Variants in RAD9B observed in about 807,000 individuals in gnomAD.
The protein encoded by RAD9B is cell cycle checkpoint control protein RAD9B.
A neutral mutation model predicts 48.3 loss-of-function variants in RAD9B; 41 were observed. The observed-to-expected ratio is 0.85, with a 90% CI of 0.66 to 1.10. RAD9B has a LOEUF of 1.10. Among genes scored for constraint, RAD9B ranks in the 50% least tolerant of loss-of-function variants. The probability of loss-of-function intolerance (pLI) is 0.00; values close to 1 mark genes in which losing one functional copy is unlikely to be tolerated. For missense variants in RAD9B, 444 were observed against 485.1 expected (o/e 0.92, Z 0.80); for synonymous variants, 160 against 157.9 (o/e 1.01, Z -0.10).
chr12:110,512,158 T>C (rs75454307), intron 4 of RAD9B, among the ~76,000 whole-genome samples: 1 of 134,986 alleles, frequency 7.4e-6, no homozygotes, highest in Non-Finnish European at 1.6e-5. Flanking sequence ...TTTTTTTTTT[T>C]CTTTTTGAGA....
Position 110,519,926 on chromosome 12 carries a change from T to G in RAD9B, c.890+10T>G. On this transcript the variant is annotated intron_variant, in intron 9 of 10. Transcript: ENST00000409300. ...CACAGAAACGAAAAAGGTAAGACTG[T>G]GTTTTAACTTCTTTATTACTTGGGA... 1 of 1,608,108 alleles carries G rather than the reference T, an allele frequency of 6.2e-7. No homozygotes were observed.
chr12:110,503,979 TC>T, intron 2 of RAD9B, 103 bp downstream of exon 2: 2 of 640,546 alleles, frequency 3.1e-6, no homozygotes, highest in Non-Finnish European at 2.6e-6. Flanking sequence ...ATTGTAATTA[TC>T]CCTTTCACTG....
At chr12:110,510,357 A>G (rs999194054) in intron 4 of RAD9B, among the ~76,000 whole-genome samples, 1 of 152,252 alleles carries the variant, frequency 6.6e-6, no homozygotes, top group South Asian at 2.1e-4. Context: ...GTCACCAATT[A>G]TCTGCAGCCC....
At chr12:110,506,528 A>C (rs888268173) in intron 3 of RAD9B, 51 bp from the exon 4 acceptor site, 9 of 956,286 alleles carry the variant, frequency 9.4e-6, no homozygotes, top group Non-Finnish European at 1.5e-5. Flanking sequence ...TTGTTTCTAA[A>C]ATGAATCAAC....
intron 2 of RAD9B, among the ~76,000 whole-genome samples, chr12:110,504,138 G>GTT (rs200389242): frequency 1.4e-5 from 2 of 139,466 alleles, no homozygotes. Flanking sequence ...GGCCTGCACT[G>GTT]TTTTTTTTTT....
At chr12:110,518,475 G>A (rs1045071706) in intron 6 of RAD9B, among the ~76,000 whole-genome samples, 5 of 152,208 alleles carry the variant, frequency 3.3e-5, no homozygotes, top group African/African-American at 1.2e-4. Flanking sequence ...TCATTGGGTA[G>A]TTTAAGAGAA....
chr12:110,503,938 C>T lies in RAD9B; in HGVS notation c.117+62C>T. 8 of 991,810 alleles carry T rather than the reference C, an allele frequency of 8.1e-6. No homozygotes were observed. The South Asian group carries it at 1.3e-4, about 16-fold the overall frequency. 61.4% of individuals were successfully genotyped at this position (991,810 alleles called of 1,614,324 possible). A position where few individuals can be genotyped will look rare whatever the true frequency, so the allele number is the denominator to read the frequency against. ...AGAGGAGATGTTTAAAGATCCCAGTCCAGATTGAATGTTAACTAGGAAATC... is the reference window on the plus strand; with the variant it reads ...AGAGGAGATGTTTAAAGATCCCAGTTCAGATTGAATGTTAACTAGGAAATC... On this transcript the variant is annotated intron_variant, in intron 2 of 10. Coordinates refer to ENST00000409300, the MANE Select transcript of RAD9B (RefSeq NM_001286535.2).
Position 110,505,616 on chromosome 12 carries a change from G to T in RAD9B, c.118-1G>T. The T allele has an allele frequency of 1.3e-6, 2 of 1,545,476 alleles. No homozygotes were observed. Among genetic ancestry groups the T allele is most frequent in the Non-Finnish European group, 1.7e-6 (2 of 1,144,172 alleles). ...AAATAGTTTTTATCTTATTTTTCTA[G>T]CTTGCTCTAAGATGTGTGAATTCTT... On this transcript the variant is annotated splice_acceptor_variant, in intron 2 of 10. Coordinates refer to ENST00000409300, the MANE Select transcript of RAD9B (RefSeq NM_001286535.2). LOFTEE classifies it high-confidence loss of function.
Position 110,505,734 on chromosome 12 carries a change from G to T in RAD9B, c.235G>T (p.Asp79Tyr), listed in dbSNP as rs768899059. ...AGTGAAAATGAGTGAAAATGAACTT[G>T]ACACAACACTGCATTTAAAATGCAA... is the stretch of plus-strand genomic sequence containing the variant. ...ALVKMSENELDTTLHLKCKLG... is the reference protein window; with the variant it reads ...ALVKMSENELYTTLHLKCKLG... Residue 79 changes from aspartate (D) to tyrosine (Y), a missense_variant, in exon 3 of 11, where the codon GAC becomes TAC. By Grantham distance (160) the Asp-to-Tyr change is radical. Transcript: ENST00000409300. 6.2e-7 allele frequency: 1 copy of T among 1,611,786 alleles called. No individual in the cohort carries two copies. Among genetic ancestry groups the T allele is most frequent in the South Asian group, 1.1e-5 (1 of 90,456 alleles).
rs2063684334 is a variant in RAD9B, at chr12:110,518,739, T to C, written c.659T>C (p.Ile220Thr). The change falls in exon 7 of 11, where the codon ATT becomes ACT. Residue 220 changes from isoleucine to threonine, a missense_variant. Transcript: ENST00000409300. ...TCAGATGAGTTTGACTTCTTTCAAA[T>C]TGGAATGGACACTGAGATAACATTT... is the stretch of plus-strand genomic sequence containing the variant. Reference protein sequence around the residue: ...VGSDEFDFFQIGMDTEITFCF... With the variant: ...VGSDEFDFFQTGMDTEITFCF... The C allele has an allele frequency of 1.9e-6, 3 of 1,611,568 alleles. No homozygotes were observed. The highest frequency in any genetic ancestry group is 2.2e-5 in the South Asian group (2 of 90,826).
chr12:110,523,823 A>G (rs2063855135), intron 10 of RAD9B, among the ~76,000 whole-genome samples: 1 of 152,134 alleles, frequency 6.6e-6, no homozygotes, highest in Non-Finnish European at 1.5e-5. Flanking sequence ...CAAATTTCCT[A>G]TTGTGTCACC....
At chr12:110,514,252 A>G (rs2135690016) in intron 5 of RAD9B, among the ~76,000 whole-genome samples, 1 of 151,920 alleles carries the variant, frequency 6.6e-6, no homozygotes, top group East Asian at 1.9e-4. Context: ...CAGATTAACA[A>G]CAAGATTACA....
chr12:110,509,132 C>CT (rs987648197), intron 4 of RAD9B, among the ~76,000 whole-genome samples: 2 of 150,812 alleles, frequency 1.3e-5, no homozygotes, highest in Non-Finnish European at 3.0e-5. Context: ...GCCCGGCTAA[C>CT]TTTTTTTTTG....
intron 5 of RAD9B, 120 bp downstream of exon 5, chr12:110,512,998 C>T: frequency 1.7e-6 from 1 of 594,442 alleles, no homozygotes; most frequent in South Asian, 1.8e-5. Flanking sequence ...TGGAGTCTCG[C>T]TGTGTCGCCC....
Position 110,531,841 on chromosome 12 carries a change from A to C in RAD9B, c.*1188A>C, listed in dbSNP as rs1029103208. 1.9e-6 allele frequency: 1 copy of C among 519,306 alleles called. No homozygotes were observed. The highest frequency in any genetic ancestry group is 3.4e-6 in the Non-Finnish European group (1 of 296,470). The allele number at this position is 519,306 out of a possible 1,614,324, so 32.2% of individuals were successfully genotyped here. A position where few individuals can be genotyped will look rare whatever the true frequency, so the allele number is the denominator to read the frequency against. On this transcript the variant is annotated 3_prime_UTR_variant, in exon 11 of 11. Transcript: ENST00000409300. Reference sequence around the variant, plus strand: ...GTTTACAGTCAATTATAACCTGACAAACGAGACTTTTGTAACATATTATTG... The same window carrying C: ...GTTTACAGTCAATTATAACCTGACACACGAGACTTTTGTAACATATTATTG...
chr12:110,522,926 T>C (rs2063829357), intron 10 of RAD9B, among the ~76,000 whole-genome samples: 1 of 152,218 alleles, frequency 6.6e-6, no homozygotes, highest in African/African-American at 2.4e-5. Context: ...TGATAAGCTT[T>C]ACAGAATGCT....
chr12:110,521,029 T>C (rs1037730380), intron 9 of RAD9B, among the ~76,000 whole-genome samples: 5 of 152,176 alleles, frequency 3.3e-5, no homozygotes, highest in African/African-American at 4.8e-5. Context: ...ATTTGGAAAA[T>C]AGAGAAAAGT....
chr12:110,519,949 G>A, intron 9 of RAD9B, 33 bp downstream of exon 9: 2 of 1,593,970 alleles, frequency 1.3e-6, no homozygotes, highest in Non-Finnish European at 8.5e-7. Context: ...TTATTACTTG[G>A]GACAAGCCAT....
chr12:110,522,143 C>T (rs890960424), intron 9 of RAD9B, 34 bp from the exon 10 acceptor site: 1 of 1,319,874 alleles, frequency 7.6e-7, no homozygotes, highest in Non-Finnish European at 1.1e-6. Context: ...TCACAATAAA[C>T]AGTTCATTCA....
Sources: gnomAD v4.1 joint callset for allele counts (sites outside exome capture counted in the v4.1 genomes callset) on GRCh38, gnomAD v4.1.1 for gene constraint, MANE v1.5 for transcripts, NCBI Gene and HGNC (gene_info 2026-07-23, HGNC 2026-07-21) for gene names.